Variants in FRYL observed in about 807,000 individuals in gnomAD.
The protein encoded by FRYL is protein furry homolog-like.
A neutral mutation model predicts 351.2 loss-of-function variants in FRYL; 150 were observed. That is an observed-to-expected ratio of 0.43 (90% CI 0.37 to 0.49). FRYL has a LOEUF of 0.49. Among genes scored for constraint, FRYL ranks in the 20% least tolerant of loss-of-function variants. The pLI is 0.00. For missense variants in FRYL, 3,036 were observed against 3,619.3 expected (o/e 0.84, Z 4.13); for synonymous variants, 1,153 against 1,257.1 (o/e 0.92, Z 1.75).
chr4:48,501,213 CAGGGTCTT>C (rs1719569534), intron 62 of FRYL, among the ~76,000 whole-genome samples: 4 of 151,420 alleles, frequency 2.6e-5, no homozygotes, highest in Non-Finnish European at 5.9e-5. Flanking sequence ...TTTTCTGAGA[CAGGGTCTT>C]GCTCTGTCAC....
intron 42 of FRYL, among the ~76,000 whole-genome samples, chr4:48,545,408 G>A (rs930639069): frequency 1.3e-5 from 2 of 152,020 alleles, no homozygotes; most frequent in African/African-American, 4.8e-5. Context: ...AACCTGCTAC[G>A]CACTGCTTCT....
intron 1 of FRYL, among the ~76,000 whole-genome samples, chr4:48,776,642 G>T (rs1486420120): frequency 1.3e-5 from 2 of 152,090 alleles, no homozygotes; most frequent in East Asian, 3.8e-4. Context: ...CAATCACCTG[G>T]GATTAGGAGA....
chr4:48,608,902 G>T, intron 9 of FRYL, 85 bp downstream of exon 9: 1 of 828,662 alleles, frequency 1.2e-6, no homozygotes, highest in Non-Finnish European at 2.1e-6. Flanking sequence ...GGTGGATTTC[G>T]AACTATCAGT....
chr4:48,740,009 T>C (rs1390682071), intron 1 of FRYL, among the ~76,000 whole-genome samples: 5 of 152,156 alleles, frequency 3.3e-5, no homozygotes, highest in African/African-American at 4.8e-5. Flanking sequence ...TAAGATGCAG[T>C]CCCTCAACCT....
At chr4:48,644,954 G>A (rs1756093860) in intron 3 of FRYL, among the ~76,000 whole-genome samples, 1 of 150,852 alleles carries the variant, frequency 6.6e-6, no homozygotes, top group African/African-American at 2.4e-5. Flanking sequence ...AACATTCAAA[G>A]AGCTCTTACA....
At chr4:48,595,748 A>G (rs1744458686) in intron 14 of FRYL, 50 bp from the exon 15 acceptor site, 1 of 1,284,214 alleles carries the variant, frequency 7.8e-7, no homozygotes, top group African/African-American at 1.5e-5. Flanking sequence ...TCAACAGCAT[A>G]TTAGCAAAAA....
rs532306701 is a variant in FRYL, at chr4:48,557,736, A to G, written c.3866-24T>C. 15 of 1,609,526 alleles carry G rather than the reference A, an allele frequency of 9.3e-6. No homozygotes were observed. In the Admixed American group the frequency reaches 1.7e-4, roughly 18 times the overall value. ...CTCTGAAATTGAAAACAAGTCAAAGATAACTGATGTAATTTCAGCTTCCTC... is the reference window on the plus strand; with the variant it reads ...CTCTGAAATTGAAAACAAGTCAAAGGTAACTGATGTAATTTCAGCTTCCTC... On this transcript the variant is annotated intron_variant, in intron 33 of 63. Transcript: ENST00000358350.
At chr4:48,614,787 T>A (rs1291045607) in intron 7 of FRYL, among the ~76,000 whole-genome samples, 3 of 150,220 alleles carry the variant, frequency 2.0e-5, no homozygotes, top group Non-Finnish European at 4.4e-5. Flanking sequence ...CCAAGGCTAT[T>A]TCCACTACCA....
At chr4:48,543,224 A>C (rs150939691) in intron 44 of FRYL, among the ~76,000 whole-genome samples, 6 of 152,344 alleles carry the variant, frequency 3.9e-5, no homozygotes, top group Admixed American at 2.0e-4. Context: ...ATGGATTATC[A>C]TATGTAAAAC....
At position 48,499,494 on chromosome 4, in the gene FRYL, T is replaced by C. The variant is rs1431897604; in HGVS notation, c.8970A>G (p.Leu2990=). 3 of 1,613,972 alleles carry C rather than the reference T, an allele frequency of 1.9e-6. No individual in the cohort carries two copies. The highest frequency in any genetic ancestry group is 2.5e-6 in the Non-Finnish European group (3 of 1,179,844). The stretch of plus-strand genomic sequence containing the variant: ...GAAGTTGGTATGATTGCACCATGCG[T>C]AGAGACTCTCTTATTTCCAGATTAA... ...MELNLEIRES[L]RMVQSYQLLA... is the part of the protein sequence containing the mutation. The change falls in exon 64 of 64, where the codon CTA becomes CTG. Residue 2990 remains leucine (L), a synonymous_variant. Transcript: ENST00000358350.
At chr4:48,765,458 T>C (rs1774853807) in intron 1 of FRYL, among the ~76,000 whole-genome samples, 1 of 152,162 alleles carries the variant, frequency 6.6e-6, no homozygotes, top group Non-Finnish European at 1.5e-5. Context: ...TGCAGAAGAA[T>C]GAAATTGGAT....
intron 3 of FRYL, among the ~76,000 whole-genome samples, chr4:48,636,371 A>G (rs553216180): frequency 6.6e-6 from 1 of 152,256 alleles, no homozygotes; most frequent in Non-Finnish European, 1.5e-5. Context: ...TCATAAGGTC[A>G]TAACAGTTAT....
intron 23 of FRYL, among the ~76,000 whole-genome samples, chr4:48,577,800 C>T (rs1698822718): frequency 6.6e-6 from 1 of 151,180 alleles, no homozygotes; most frequent in Non-Finnish European, 1.5e-5. Flanking sequence ...TGCTTGAGCC[C>T]AGAAGTTCGA....
intron 1 of FRYL, among the ~76,000 whole-genome samples, chr4:48,772,296 T>C (rs1189110881): frequency 4.6e-5 from 7 of 152,262 alleles, no homozygotes; most frequent in South Asian, 2.1e-4. Context: ...ATTCACTTGA[T>C]AGTCACATGA....
chr4:48,638,465 T>C (rs1754690588), intron 3 of FRYL: 2 of 152,156 alleles, frequency 1.3e-5, no homozygotes, highest in African/African-American at 4.8e-5. Flanking sequence ...CAACAGATGC[T>C]GGAGAGGATG....
At chr4:48,685,881 G>A (rs567542109) in intron 2 of FRYL, among the ~76,000 whole-genome samples, 2 of 152,112 alleles carry the variant, frequency 1.3e-5, no homozygotes, top group African/African-American at 4.8e-5. Context: ...AGCCTCCTGA[G>A]TAGCTAGGAT....
intron 9 of FRYL, among the ~76,000 whole-genome samples, chr4:48,608,268 C>T (rs1364322452): frequency 6.6e-6 from 1 of 152,104 alleles, no homozygotes; most frequent in Non-Finnish European, 1.5e-5. Flanking sequence ...ATTGTACTTG[C>T]CTTCTTAGAA....
At position 48,557,347 on chromosome 4, in the gene FRYL, ATTTG is replaced by A. The variant is rs1165931088; in HGVS notation, c.4125+102_4125+105del. The A allele has an allele frequency of 4.2e-6, 6 of 1,418,146 alleles. No individual in the cohort carries two copies. The African/African-American group carries it at 7.2e-5, about 17-fold the overall frequency. The allele number at this position is 1,418,146 out of a possible 1,614,324, so 87.8% of individuals were successfully genotyped here. A position where few individuals can be genotyped will look rare whatever the true frequency, so the allele number is the denominator to read the frequency against. ...TAATGAGTCTTTTTTAAAGAAAGAT[ATTTG>A]TTTGGTTATCACAGGATTATGGAAC... On this transcript the variant is annotated intron_variant, in intron 34 of 63. Coordinates refer to ENST00000358350, the MANE Select transcript of FRYL (RefSeq NM_015030.2).
At chr4:48,771,196 T>C (rs1158413621) in intron 1 of FRYL, among the ~76,000 whole-genome samples, 3 of 152,174 alleles carry the variant, frequency 2.0e-5, no homozygotes, top group Non-Finnish European at 4.4e-5. Context: ...TTACTGAAAG[T>C]ATATTAAGGG....
Sources: allele counts gnomAD v4.1 joint callset (sites outside exome capture counted in the v4.1 genomes callset), GRCh38; gene constraint gnomAD v4.1.1; transcripts MANE v1.5; gene names NCBI Gene and HGNC (gene_info 2026-07-23, HGNC 2026-07-21).